Variants in KIF26B observed in about 807,000 individuals in gnomAD.
KIF26B encodes kinesin-like protein KIF26B.
A neutral mutation model predicts 151.2 loss-of-function variants in KIF26B; 63 were observed. That is an observed-to-expected ratio of 0.42 (90% confidence interval 0.34 to 0.51). The LOEUF is 0.51. Among genes scored for constraint, KIF26B ranks in the 20% least tolerant of loss-of-function variants. KIF26B has a pLI of 0.07. For synonymous variants in KIF26B, 1,357 were observed against 1,262.1 expected (o/e 1.08, Z -1.59); for missense variants, 2,813 against 2,913.6 (o/e 0.97, Z 0.79).
intron 4 of KIF26B, among the ~76,000 whole-genome samples, chr1:245,440,701 C>G (rs1456774794): frequency 3.3e-5 from 5 of 152,212 alleles, no homozygotes; most frequent in Admixed American, 3.3e-4. Context: ...TAGTCTGTTT[C>G]TGAAATAGTC....
rs1317565388 is a variant in KIF26B, at chr1:245,709,405, G to A, written c.*6799G>A. The A allele has an allele frequency of 6.6e-6, 1 of 152,136 alleles. No homozygotes were observed. The highest frequency in any genetic ancestry group is 1.5e-5 in the Non-Finnish European group (1 of 68,030). The allele number at this position is 152,136 out of a possible 1,614,324, so 9.4% of individuals were successfully genotyped here. ...GTGTTTAAAAAAAAATCAAACTATGGTGGCATTAAATGTTCACTTTTATTC... is the reference window on the plus strand; with the variant it reads ...GTGTTTAAAAAAAAATCAAACTATGATGGCATTAAATGTTCACTTTTATTC... On this transcript the variant is annotated 3_prime_UTR_variant, in exon 15 of 15. Coordinates refer to ENST00000407071, the MANE Select transcript of KIF26B (RefSeq NM_018012.4).
chr1:245,365,513 T>TCCCCCC (rs528122828), intron 2 of KIF26B, among the ~76,000 whole-genome samples: 2 of 137,244 alleles, frequency 1.5e-5, no homozygotes, highest in African/African-American at 3.1e-5. Context: ...GCCTCACAAC[T>TCCCCCC]CCCCCCCACC....
intron 10 of KIF26B, among the ~76,000 whole-genome samples, chr1:245,669,820 C>T (rs1015289477): frequency 6.6e-6 from 1 of 152,082 alleles, no homozygotes; most frequent in Admixed American, 6.6e-5. Flanking sequence ...CAATTCCATT[C>T]CTAGGTTACC....
chr1:245,417,786 G>T (rs1260862886), intron 3 of KIF26B, among the ~76,000 whole-genome samples: 1 of 152,222 alleles, frequency 6.6e-6, no homozygotes, highest in African/African-American at 2.4e-5. Flanking sequence ...CAGGCATCCT[G>T]CCATTCACCA....
intron 2 of KIF26B, among the ~76,000 whole-genome samples, chr1:245,182,328 T>G (rs1668921363): frequency 6.6e-6 from 1 of 152,252 alleles, no homozygotes; most frequent in Admixed American, 6.5e-5. Context: ...TCATACAATC[T>G]GAGGCCTTTT....
At chr1:245,259,824 C>T (rs1263536929) in intron 2 of KIF26B, among the ~76,000 whole-genome samples, 1 of 151,090 alleles carries the variant, frequency 6.6e-6, no homozygotes, top group Non-Finnish European at 1.5e-5. Flanking sequence ...AGTCCCAGCT[C>T]CTTGGGAGGG....
intron 2 of KIF26B, among the ~76,000 whole-genome samples, chr1:245,332,363 A>G (rs1407100849): frequency 6.6e-6 from 1 of 152,188 alleles, no homozygotes; most frequent in African/African-American, 2.4e-5. Flanking sequence ...TGGGTATAGC[A>G]TTTCAGGTCA....
At chr1:245,531,129 T>C (rs941500602) in intron 4 of KIF26B, among the ~76,000 whole-genome samples, 2 of 152,220 alleles carry the variant, frequency 1.3e-5, no homozygotes, top group Admixed American at 6.5e-5. Flanking sequence ...TATGGAGATA[T>C]GTTGCTAAGC....
At chr1:245,300,739 G>A (rs2102977440) in intron 2 of KIF26B, among the ~76,000 whole-genome samples, 1 of 151,448 alleles carries the variant, frequency 6.6e-6, no homozygotes. Context: ...ATATTGACCA[G>A]GCTGGTCTCG....
rs1010840431 is a variant in KIF26B at position 245,601,202 on chromosome 1, G to C, written c.1351-1375G>C. On this transcript the variant is annotated intron_variant, in intron 5 of 14. Transcript: ENST00000407071. This position sits in a 1 kb window ranked among gnomAD's most constrained non-coding sequence, Gnocchi z 4.4. ...TCCTTCTACTGGGACACTGGCTTCC[G>C]GATCTCCACGGAGAACTGTTCTTAA... Among the ~76,000 whole-genome samples, 1 of 151,468 alleles carries C rather than the reference G, an allele frequency of 6.6e-6. No homozygotes were observed. Among genetic ancestry groups the C allele is most frequent in the African/African-American group, 2.4e-5 (1 of 41,172 alleles).
intron 4 of KIF26B, among the ~76,000 whole-genome samples, chr1:245,435,030 C>G (rs1404297657): frequency 2.3e-5 from 3 of 130,302 alleles, no homozygotes; most frequent in African/African-American, 8.7e-5. Flanking sequence ...TCTCCATCCA[C>G]CCATTCATCC....
intron 2 of KIF26B, among the ~76,000 whole-genome samples, chr1:245,351,896 A>C: frequency 6.6e-6 from 1 of 152,218 alleles, no homozygotes; most frequent in Non-Finnish European, 1.5e-5. Context: ...CCAATTAGAC[A>C]CTTAATAAGT....
At chr1:245,409,078 A>T (rs1674210032) in intron 3 of KIF26B, among the ~76,000 whole-genome samples, 1 of 152,200 alleles carries the variant, frequency 6.6e-6, no homozygotes, top group Non-Finnish European at 1.5e-5. Flanking sequence ...ATACACCCTG[A>T]CTATGTCGCT....
In KIF26B at chr1:245,552,639, G is replaced by T. The variant is rs147767022; in HGVS notation, c.1350+11689G>T. 4.3e-4 allele frequency among the ~76,000 whole-genome samples: 57 copies of T among 132,008 alleles called. No homozygotes were observed. The East Asian group carries it at 9.8e-3, about 23-fold the overall frequency. 86.6% of individuals were successfully genotyped at this position (132,008 alleles called of 152,430 possible). A position where few individuals can be genotyped will look rare whatever the true frequency, so the allele number is the denominator to read the frequency against. On this transcript the variant is annotated intron_variant, in intron 5 of 14. Coordinates refer to ENST00000407071, the MANE Select transcript of KIF26B (RefSeq NM_018012.4). ...GGATTTTTTTTTTTTTTTTGAGACA[G>T]TCTCACTCTGTCGCCCAGGCTGGAG... is the stretch of plus-strand genomic sequence containing the variant.
chr1:245,311,214 C>T (rs1020930589), intron 2 of KIF26B, among the ~76,000 whole-genome samples: 3 of 152,152 alleles, frequency 2.0e-5, no homozygotes, highest in Admixed American at 2.0e-4. Flanking sequence ...TCGGAGCTGA[C>T]CTCAGCTCAG....
At position 245,212,900 on chromosome 1, in the gene KIF26B, T is replaced by C. The variant is rs146229132; in HGVS notation, c.465+56217T>C. Among the ~76,000 whole-genome samples, 805 of 152,374 alleles carry C rather than the reference T, an allele frequency of 5.3e-3. 9 individuals carry two copies. Among genetic ancestry groups the C allele is most frequent in the African/African-American group, 0.018 (756 of 41,588 alleles). ...TCATGACTATAATTACAAAGGATTC[T>C]AGACGTCATTGATGGGGGTTCTCCC... On this transcript the variant is annotated intron_variant, in intron 2 of 14. Transcript: ENST00000407071.
At chr1:245,665,831 C>T (rs147472944) in intron 10 of KIF26B, among the ~76,000 whole-genome samples, 7,359 of 150,678 alleles carry the variant, frequency 0.049, 535 homozygotes, top group African/African-American at 0.16. Flanking sequence ...ACTACAGGCA[C>T]GCACCACCAT....
intron 9 of KIF26B, among the ~76,000 whole-genome samples, chr1:245,640,520 T>C (rs963996322): frequency 1.3e-5 from 2 of 152,016 alleles, no homozygotes; most frequent in African/African-American, 4.8e-5. Flanking sequence ...TTCCATGTTA[T>C]TATTGATAGG....
At chr1:245,377,853 G>A (rs981821770) in intron 3 of KIF26B, among the ~76,000 whole-genome samples, 3 of 152,132 alleles carry the variant, frequency 2.0e-5, no homozygotes, top group South Asian at 2.1e-4. Context: ...GGGCCAAGTC[G>A]AGAGAGGGAG....
Sources: allele counts gnomAD v4.1 joint callset (sites outside exome capture counted in the v4.1 genomes callset), GRCh38; gene constraint gnomAD v4.1.1; non-coding constraint Gnocchi (gnomAD v3.1); transcripts MANE v1.5; gene names NCBI Gene and HGNC (gene_info 2026-07-23, HGNC 2026-07-21).